Variants in NBEA observed in about 807,000 individuals in gnomAD.
NBEA encodes neurobeachin.
Under a neutral mutation model 343.4 loss-of-function variants are expected in NBEA, and 44 were observed. The ratio of observed to expected loss-of-function variants is 0.13; its 90% CI spans 0.10 to 0.16. The LOEUF is 0.16. Ranked by LOEUF, NBEA falls within the 10% of genes least tolerant of loss-of-function variation. NBEA has a pLI of 1.00. For missense variants in NBEA, 2,555 were observed against 3,631.3 expected, an observed-to-expected ratio of 0.70 and a Z score of 7.62; for synonymous variants, 1,175 against 1,238.7, an observed-to-expected ratio of 0.95 and a Z score of 1.08.
intron 35 of NBEA, among the ~76,000 whole-genome samples, chr13:35,298,115 A>G (rs1415626066): frequency 6.6e-6 from 1 of 151,088 alleles, no homozygotes; most frequent in Non-Finnish European, 1.5e-5. Flanking sequence ...CTAATCTTAC[A>G]GTAAAATAAG....
chr13:35,068,964 A>G (rs1438344694), intron 8 of NBEA, among the ~76,000 whole-genome samples: 2 of 152,058 alleles, frequency 1.3e-5, no homozygotes, highest in Non-Finnish European at 2.9e-5. Flanking sequence ...CTCCCGTAAG[A>G]ACTTGAGTTT....
chr13:35,584,682 T>G (rs2081211201), intron 46 of NBEA, among the ~76,000 whole-genome samples: 1 of 151,942 alleles, frequency 6.6e-6, no homozygotes, highest in Non-Finnish European at 1.5e-5. Context: ...GTATTTTTAG[T>G]AGAGACAGCG....
rs570604171 is a variant in NBEA at position 35,083,667 on chromosome 13, A to G, written c.1571+12815A>G. On this transcript the variant is annotated intron_variant, in intron 10 of 58. Coordinates refer to ENST00000379939, the MANE Select transcript of NBEA (RefSeq NM_001385012.1). ...CACTGCAAAAACATGCCAAATTGTA[A>G]AGACCACCAAGGCTAGGAAGAAACT... 1.6e-4 allele frequency among the ~76,000 whole-genome samples: 25 copies of G among 152,296 alleles called. No individual in the cohort carries two copies. In the East Asian group the frequency reaches 4.8e-3, roughly 29 times the overall value.
At chr13:34,990,371 A>G (rs1426143681) in intron 1 of NBEA, among the ~76,000 whole-genome samples, 4 of 151,198 alleles carry the variant, frequency 2.6e-5, no homozygotes, top group South Asian at 2.1e-4. Context: ...GAGGCTCCCA[A>G]GCCTTAACTC....
intron 35 of NBEA, among the ~76,000 whole-genome samples, chr13:35,303,136 T>TA (rs200848180): frequency 1.3e-5 from 2 of 152,246 alleles, no homozygotes; most frequent in South Asian, 4.1e-4. Flanking sequence ...TTCTTTACAT[T>TA]AAAAAAATCC....
At chr13:34,979,279 G>A (rs998442084) in intron 1 of NBEA, among the ~76,000 whole-genome samples, 10 of 152,098 alleles carry the variant, frequency 6.6e-5, no homozygotes, top group African/African-American at 2.2e-4. Context: ...CCTGACTTCG[G>A]GAGGCCAAGG....
chr13:35,078,766 C>T (rs141788930), intron 10 of NBEA, among the ~76,000 whole-genome samples: 60 of 152,096 alleles, frequency 3.9e-4, no homozygotes, highest in Non-Finnish European at 7.1e-4. Context: ...TGAGGCAAGC[C>T]GACTTATAAA....
intron 14 of NBEA, among the ~76,000 whole-genome samples, 176 bp downstream of exon 14, chr13:35,117,669 C>G (rs181879079): frequency 3.3e-5 from 5 of 152,036 alleles, no homozygotes; most frequent in African/African-American, 7.2e-5. Flanking sequence ...ATTAAATGCT[C>G]TCTGAAATCT....
At chr13:35,186,306 A>C (rs1280923729) in intron 30 of NBEA, 1 of 152,150 alleles carries the variant, frequency 6.6e-6, no homozygotes, top group Non-Finnish European at 1.5e-5. Context: ...CCCTTTTTCA[A>C]AGAAAAAAAT....
chr13:35,454,797 T>G (rs906485124), intron 40 of NBEA, among the ~76,000 whole-genome samples: 5 of 151,892 alleles, frequency 3.3e-5, no homozygotes, highest in African/African-American at 1.2e-4. Flanking sequence ...GAGGCAGAGC[T>G]CGCAGTGAGC....
At chr13:35,474,917 G>T in intron 41 of NBEA, 1 of 1,086,146 alleles carries the variant, frequency 9.2e-7, no homozygotes, top group Non-Finnish European at 1.3e-6. Context: ...GTGAGATGAT[G>T]TTTAAATATT....
At chr13:35,584,128 A>T in intron 46 of NBEA, 90 bp downstream of exon 46, 2 of 1,216,648 alleles carry the variant, frequency 1.6e-6, no homozygotes, top group Middle Eastern at 1.9e-4. Flanking sequence ...TTGTAATTTG[A>T]TTAACAAAGA....
chr13:35,202,324 G>A (rs1301670318), intron 31 of NBEA, among the ~76,000 whole-genome samples: 1 of 152,070 alleles, frequency 6.6e-6, no homozygotes, highest in Non-Finnish European at 1.5e-5. Flanking sequence ...TAAGGAATAT[G>A]CCCCAGGGCA....
At position 34,968,893 on chromosome 13, in the gene NBEA, T is replaced by G. The variant is rs193025065; in HGVS notation, c.294+25779T>G. Among the ~76,000 whole-genome samples, 3 of 152,130 alleles carry G rather than the reference T, an allele frequency of 2.0e-5. No homozygotes were observed. The East Asian group carries it at 5.8e-4, about 29-fold the overall frequency. On this transcript the variant is annotated intron_variant, in intron 1 of 58. Transcript: ENST00000379939. ...ATATCAATTATTAATATCAATTGATTGTTAATATCAATTGATTATTAATGT... is the reference window on the plus strand; with the variant it reads ...ATATCAATTATTAATATCAATTGATGGTTAATATCAATTGATTATTAATGT...
At chr13:35,038,753 C>T (rs1343026303) in intron 1 of NBEA, among the ~76,000 whole-genome samples, 1 of 152,084 alleles carries the variant, frequency 6.6e-6, no homozygotes, top group Non-Finnish European at 1.5e-5. Context: ...ACAAACTCCT[C>T]CCCACTCTTC....
intron 38 of NBEA, among the ~76,000 whole-genome samples, chr13:35,420,463 T>C: frequency 6.6e-6 from 1 of 151,986 alleles, no homozygotes; most frequent in East Asian, 1.9e-4. Context: ...AGGATGGATA[T>C]TGGTCTGTAG....
At chr13:35,143,944 GTTTCT>G (rs1293155441) in intron 18 of NBEA, among the ~76,000 whole-genome samples, 1 of 151,176 alleles carries the variant, frequency 6.6e-6, no homozygotes, top group Non-Finnish European at 1.5e-5. Context: ...CTCTAATACT[GTTTCT>G]TTTCATGTAA....
chr13:35,385,249 A>C (rs958349026), intron 38 of NBEA, among the ~76,000 whole-genome samples: 1 of 152,112 alleles, frequency 6.6e-6, no homozygotes, highest in African/African-American at 2.4e-5. Context: ...TATGAGGTAA[A>C]GGTTTTAAAA....
intron 10 of NBEA, among the ~76,000 whole-genome samples, chr13:35,077,778 AT>A (rs2064185690): frequency 6.6e-6 from 1 of 152,132 alleles, no homozygotes; most frequent in Non-Finnish European, 1.5e-5. Context: ...TCATTATCTG[AT>A]TTGGTCATGC....
Sources: allele counts gnomAD v4.1 joint callset (sites outside exome capture counted in the v4.1 genomes callset), GRCh38; gene constraint gnomAD v4.1.1; transcripts MANE v1.5; gene names NCBI Gene and HGNC (gene_info 2026-07-23, HGNC 2026-07-21).